Variants in EXOC4 observed in about 807,000 individuals in gnomAD.
EXOC4 encodes the protein exocyst complex component 4.
In EXOC4, 71 loss-of-function variants were observed where a neutral mutation model predicts 107.2. The ratio of observed to expected loss-of-function variants is 0.66; its 90% CI spans 0.55 to 0.81. The LOEUF is 0.81. Ranked by LOEUF, EXOC4 falls within the 30% of genes least tolerant of loss-of-function variation. EXOC4 has a pLI of 0.00. For missense variants in EXOC4, 1,108 were observed against 1,189.6 expected (o/e 0.93, Z 1.01); for synonymous variants, 456 against 441.2 (o/e 1.03, Z -0.42).
chr7:133,970,664 G>T (rs147460436), intron 14 of EXOC4, among the ~76,000 whole-genome samples: 2 of 152,086 alleles, frequency 1.3e-5, no homozygotes, highest in Non-Finnish European at 2.9e-5. Flanking sequence ...CTCACCCTCC[G>T]TGGGCTGCAT....
chr7:134,067,149 CAAAAAAAAA>C (rs10597442), downstream of EXOC4, among the ~76,000 whole-genome samples: 240 of 121,938 alleles, frequency 2.0e-3, no homozygotes, highest in African/African-American at 6.2e-3. Flanking sequence ...CACTCTGTCT[CAAAAAAAAA>C]AAAAAAAAAA....
chr7:133,870,794 C>G (rs1439729458), intron 11 of EXOC4, among the ~76,000 whole-genome samples: 1 of 152,226 alleles, frequency 6.6e-6, no homozygotes, highest in African/African-American at 2.4e-5. Context: ...CACTTGACCT[C>G]TTTCGCCATT....
chr7:133,855,060 TA>T (rs1456763792), intron 11 of EXOC4, among the ~76,000 whole-genome samples: 1 of 69,230 alleles, frequency 1.4e-5, no homozygotes, highest in African/African-American at 1.2e-4. Flanking sequence ...TAAATATATC[TA>T]AATATATCTA....
chr7:133,710,723 A>G (rs1249180560), intron 10 of EXOC4, among the ~76,000 whole-genome samples: 1 of 151,980 alleles, frequency 6.6e-6, no homozygotes, highest in Non-Finnish European at 1.5e-5. Context: ...AGATCTGTCC[A>G]GTAGCCTCAA....
chr7:133,325,058 G>A (rs1258999138), intron 5 of EXOC4, among the ~76,000 whole-genome samples: 1 of 152,032 alleles, frequency 6.6e-6, no homozygotes, highest in Non-Finnish European at 1.5e-5. Flanking sequence ...TTTTCCATTT[G>A]CTTGGTAGAT....
chr7:133,530,766 A>G (rs1800167138), intron 9 of EXOC4, among the ~76,000 whole-genome samples: 1 of 152,214 alleles, frequency 6.6e-6, no homozygotes, highest in Non-Finnish European at 1.5e-5. Flanking sequence ...GAGTAAAAAA[A>G]GGAAAGTTAA....
At chr7:133,424,906 TA>T in intron 7 of EXOC4, among the ~76,000 whole-genome samples, 1 of 152,342 alleles carries the variant, frequency 6.6e-6, no homozygotes, top group East Asian at 1.9e-4. Flanking sequence ...AAAGCCTGTA[TA>T]AACTAGGTTG....
At chr7:133,348,333 C>T (rs1045540274) in intron 5 of EXOC4, among the ~76,000 whole-genome samples, 2 of 152,082 alleles carry the variant, frequency 1.3e-5, no homozygotes, top group Non-Finnish European at 2.9e-5. Context: ...AAACAAGTGC[C>T]GTTTGGGGCT....
At chr7:133,491,920 G>A (rs1799379259) in intron 9 of EXOC4, among the ~76,000 whole-genome samples, 1 of 152,120 alleles carries the variant, frequency 6.6e-6, no homozygotes. Context: ...GAATCTCATG[G>A]AACTGGAAAT....
intron 10 of EXOC4, among the ~76,000 whole-genome samples, chr7:133,804,265 C>G (rs2096606205): frequency 6.6e-6 from 1 of 152,086 alleles, no homozygotes; most frequent in African/African-American, 2.4e-5. Flanking sequence ...AATTAATGAT[C>G]AAGTGTGTGA....
At chr7:133,435,285 T>A (rs1797943314) in intron 7 of EXOC4, among the ~76,000 whole-genome samples, 1 of 152,184 alleles carries the variant, frequency 6.6e-6, no homozygotes, top group South Asian at 2.1e-4. Context: ...AGTCCCAGAC[T>A]TCCATTAAAA....
intron 13 of EXOC4, among the ~76,000 whole-genome samples, chr7:133,920,612 T>C (rs1400617208): frequency 1.3e-5 from 2 of 152,232 alleles, no homozygotes; most frequent in Non-Finnish European, 2.9e-5. Context: ...CTTTGTAACA[T>C]TGCTGTCATT....
intron 17 of EXOC4, among the ~76,000 whole-genome samples, chr7:134,057,622 C>T (rs2116612459): frequency 6.6e-6 from 1 of 152,190 alleles, no homozygotes; most frequent in Non-Finnish European, 1.5e-5. Context: ...GATTACCATC[C>T]ATTTTATTAT....
chr7:133,875,551 G>C (rs960326694), intron 11 of EXOC4, among the ~76,000 whole-genome samples: 2 of 152,166 alleles, frequency 1.3e-5, no homozygotes, highest in African/African-American at 4.8e-5. Context: ...CATTGGAGTG[G>C]CCTGTGCTTC....
intron 6 of EXOC4, among the ~76,000 whole-genome samples, chr7:133,369,491 G>T (rs1027444412): frequency 1.3e-5 from 2 of 152,058 alleles, no homozygotes; most frequent in Non-Finnish European, 2.9e-5. Flanking sequence ...CTTTGACTCT[G>T]CTGGTATTCT....
intron 15 of EXOC4, among the ~76,000 whole-genome samples, chr7:134,003,592 T>A (rs1402013561): frequency 2.6e-5 from 4 of 152,142 alleles, no homozygotes; most frequent in African/African-American, 9.7e-5. Context: ...TAACAGAACA[T>A]AGACCCTGGA....
At chr7:133,953,246 G>T (rs1279078562) in intron 14 of EXOC4, among the ~76,000 whole-genome samples, 5 of 152,108 alleles carry the variant, frequency 3.3e-5, no homozygotes, top group Non-Finnish European at 5.9e-5. Context: ...TCAAGAGTTT[G>T]CTGCCTTCAA....
chr7:133,412,262 A>G (rs1205878780), intron 7 of EXOC4, among the ~76,000 whole-genome samples: 1 of 127,858 alleles, frequency 7.8e-6, no homozygotes, highest in East Asian at 2.5e-4. Flanking sequence ...TATCTGGTCA[A>G]TACTGTCAGA....
At chr7:133,446,281 C>T (rs1798217623) in intron 7 of EXOC4, among the ~76,000 whole-genome samples, 1 of 152,174 alleles carries the variant, frequency 6.6e-6, no homozygotes, top group Non-Finnish European at 1.5e-5. Flanking sequence ...CTCAATAAAA[C>T]TGTTTTCTTA....
Sources: allele counts gnomAD v4.1 joint callset (sites outside exome capture counted in the v4.1 genomes callset), GRCh38; gene constraint gnomAD v4.1.1; transcripts MANE v1.5; gene names NCBI Gene and HGNC (gene_info 2026-07-23, HGNC 2026-07-21).